Variants in ATF7 observed in about 807,000 individuals in gnomAD.
ATF7 encodes activating transcription factor 7.
A neutral mutation model predicts 50.4 loss-of-function variants in ATF7; 10 were observed. The ratio of observed to expected loss-of-function variants is 0.20; its 90% CI spans 0.12 to 0.34. The LOEUF (loss-of-function observed/expected upper bound fraction) is 0.34. Ranked by LOEUF, ATF7 falls within the 10% of genes least tolerant of loss-of-function variation. The pLI, the probability that ATF7 is intolerant of heterozygous loss-of-function variation, is 1.00. For synonymous variants in ATF7, 201 were observed against 226.4 expected, an observed-to-expected ratio of 0.89 and a Z score of 1.01; for missense variants, 465 against 613.9, an observed-to-expected ratio of 0.76 and a Z score of 2.56.
At chr12:53,556,124 T>G (rs554071842) in intron 2 of ATF7, among the ~76,000 whole-genome samples, 2 of 152,266 alleles carry the variant, frequency 1.3e-5, no homozygotes, top group Non-Finnish European at 2.9e-5. Context: ...CCAAAAAATA[T>G]AATTTTAAGG....
At chr12:53,603,631 G>A (rs1454623726) in intron 1 of ATF7, among the ~76,000 whole-genome samples, 6 of 150,656 alleles carry the variant, frequency 4.0e-5, no homozygotes, top group East Asian at 1.9e-4. Context: ...GCCTCTTGTC[G>A]TTTCCATTAT....
intron 2 of ATF7, among the ~76,000 whole-genome samples, chr12:53,571,879 C>T (rs1941785017): frequency 6.6e-6 from 1 of 152,090 alleles, no homozygotes. Context: ...CCAGCCTGGC[C>T]AACATGGCGA....
chr12:53,575,940 T>G (rs1942043623), intron 2 of ATF7: 2 of 153,316 alleles, frequency 1.3e-5, no homozygotes, highest in African/African-American at 4.8e-5. Flanking sequence ...CAGAGAAGCC[T>G]TATAGATGCC....
chr12:53,533,309 G>C (rs1389450490), intron 6 of ATF7, 50 bp from the exon 7 acceptor site: 9 of 1,427,868 alleles, frequency 6.3e-6, no homozygotes, highest in Non-Finnish European at 8.9e-6. Context: ...TTTTGTCCAT[G>C]GATCTTCCTC....
chr12:53,592,203 T>C (rs1338099402), intron 2 of ATF7, among the ~76,000 whole-genome samples: 1 of 152,210 alleles, frequency 6.6e-6, no homozygotes, highest in East Asian at 1.9e-4. Flanking sequence ...CTTTGTACTT[T>C]CACATGACAA....
chr12:53,591,967 T>C (rs1172612378), intron 2 of ATF7, among the ~76,000 whole-genome samples: 1 of 152,128 alleles, frequency 6.6e-6, no homozygotes, highest in Non-Finnish European at 1.5e-5. Flanking sequence ...ATCCAGGGAA[T>C]TGCAAATTCC....
intron 1 of ATF7, among the ~76,000 whole-genome samples, chr12:53,613,938 G>A (rs573969388): frequency 5.3e-5 from 8 of 151,946 alleles, no homozygotes; most frequent in Middle Eastern, 3.4e-3. Flanking sequence ...TCAAACAGAA[G>A]GCTGAAATTA....
intron 7 of ATF7, 29 bp from the exon 8 acceptor site, chr12:53,532,652 AGAG>A: frequency 7.1e-7 from 1 of 1,410,336 alleles, no homozygotes; most frequent in Non-Finnish European, 9.7e-7. Flanking sequence ...AAAAAAAAAA[AGAG>A]AAGGGAACAT....
At position 53,554,870 on chromosome 12, in the gene ATF7, G is replaced by GAAAAA. The variant is rs61675595; in HGVS notation, c.49-2238_49-2234dup. ...AGAGGAAGACCTTGTCTCAAAAAAA[G>GAAAAA]AAAAAAAAAAAAAAAAAAAAAAAAG... On this transcript the variant is annotated intron_variant, in intron 2 of 11. Coordinates refer to ENST00000420353, the MANE Select transcript of ATF7 (RefSeq NM_006856.3). Among the ~76,000 whole-genome samples, 197 of 76,046 alleles carry GAAAAA rather than the reference G, an allele frequency of 2.6e-3. 15 individuals carry two copies. The highest frequency in any genetic ancestry group is 6.4e-3 in the African/African-American group (131 of 20,326). 49.9% of individuals were successfully genotyped at this position (76,046 alleles called of 152,430 possible). A position where few individuals can be genotyped will look rare whatever the true frequency, so the allele number is the denominator to read the frequency against.
At position 53,613,082 on chromosome 12, in the gene ATF7, AT is replaced by A. The variant is rs1011126602; in HGVS notation, c.-21-12062del. 4.4e-4 allele frequency among the ~76,000 whole-genome samples: 67 copies of A among 152,316 alleles called. 1 individual carries two copies. The highest frequency in any genetic ancestry group is 1.5e-3 in the African/African-American group (64 of 41,574). ...ATAGCTATTTATCCTGAGCCAATGC[AT>A]TTTAACATAGCAGTACTAAAAAGTT... On this transcript the variant is annotated intron_variant, in intron 1 of 11. Transcript: ENST00000420353.
chr12:53,534,380 A>G, intron 6 of ATF7, 122 bp downstream of exon 6: 1 of 1,402,682 alleles, frequency 7.1e-7, no homozygotes, highest in South Asian at 1.2e-5. Flanking sequence ...ATTTATTTTG[A>G]GAGATAATCT....
chr12:53,601,071 A>G, intron 1 of ATF7, 50 bp from the exon 2 acceptor site: 1 of 476,024 alleles, frequency 2.1e-6, no homozygotes, highest in South Asian at 5.9e-5. Context: ...TGCTGGAGCA[A>G]AAAAAAAAAA....
chr12:53,522,285 G>A (rs1302818305), intron 11 of ATF7, among the ~76,000 whole-genome samples: 8 of 152,228 alleles, frequency 5.3e-5, no homozygotes, highest in Non-Finnish European at 1.2e-4. Context: ...TGTGCTGGGC[G>A]CGGTAGCTCA....
intron 2 of ATF7, among the ~76,000 whole-genome samples, chr12:53,556,109 C>A (rs981180950): frequency 6.6e-6 from 1 of 152,176 alleles, no homozygotes; most frequent in Non-Finnish European, 1.5e-5. Flanking sequence ...AGCCACTGCA[C>A]CCAGCCAAAA....
At chr12:53,572,201 T>A (rs892434310) in intron 2 of ATF7, among the ~76,000 whole-genome samples, 1 of 152,184 alleles carries the variant, frequency 6.6e-6, no homozygotes. Flanking sequence ...TGTCACTCTA[T>A]CCTAACAACA....
At chr12:53,554,862 C>CAAAAA (rs1246514106) in intron 2 of ATF7, among the ~76,000 whole-genome samples, 3 of 10,840 alleles carry the variant, frequency 2.8e-4, no homozygotes, top group African/African-American at 4.6e-4. Flanking sequence ...GACCTTGTCT[C>CAAAAA]AAAAAAAGAA....
chr12:53,555,876 C>T (rs1445852611), intron 2 of ATF7, among the ~76,000 whole-genome samples: 1 of 151,758 alleles, frequency 6.6e-6, no homozygotes, highest in African/African-American at 2.4e-5. Context: ...AGTCCAATGG[C>T]GCAATCTTGG....
chr12:53,541,437 T>C (rs928772797), intron 4 of ATF7, among the ~76,000 whole-genome samples: 1 of 152,216 alleles, frequency 6.6e-6, no homozygotes, highest in South Asian at 2.1e-4. Flanking sequence ...ATTCTAATTC[T>C]AAAGTAAAAT....
chr12:53,580,468 T>A (rs1400017369), intron 2 of ATF7, among the ~76,000 whole-genome samples: 3 of 148,380 alleles, frequency 2.0e-5, no homozygotes, highest in Non-Finnish European at 4.5e-5. Flanking sequence ...ATCGAGACCA[T>A]CCTGGCTAAC....
Sources: gnomAD v4.1 joint callset for allele counts (sites outside exome capture counted in the v4.1 genomes callset) on GRCh38, gnomAD v4.1.1 for gene constraint, MANE v1.5 for transcripts, NCBI Gene and HGNC (gene_info 2026-07-23, HGNC 2026-07-21) for gene names.